Variants in SIRPG observed in about 807,000 individuals in gnomAD.
SIRPG encodes the protein signal regulatory protein gamma, also known as signal-regulatory protein gamma.
Under a neutral mutation model 35.7 loss-of-function variants are expected in SIRPG, and 38 were observed. That is an observed-to-expected ratio of 1.06 (90% CI 0.82 to 1.40). SIRPG has a LOEUF of 1.40. Among genes scored for constraint, SIRPG ranks in the 40% most tolerant of loss-of-function variants. The pLI is 0.00. For synonymous variants in SIRPG, 215 were observed against 190.4 expected, an observed-to-expected ratio of 1.13 and a Z score of -1.06; for missense variants, 519 against 483.0, an observed-to-expected ratio of 1.07 and a Z score of -0.70.
At chr20:1,657,616 G>T in intron 1 of SIRPG, 26 bp downstream of exon 1, 1 of 1,611,884 alleles carries the variant, frequency 6.2e-7, no homozygotes, top group Non-Finnish European at 8.5e-7. Flanking sequence ...CAGGGAGAAA[G>T]GGTTCTAGCC....
chr20:1,636,635 T>G (rs1267548411), intron 2 of SIRPG, 130 bp from the exon 3 acceptor site: 8 of 1,079,874 alleles, frequency 7.4e-6, no homozygotes, highest in Non-Finnish European at 1.1e-5. Context: ...GAGGATGGTG[T>G]TCTTATTCTC....
At chr20:1,677,861 G>A in the SIRPG span, among the ~76,000 whole-genome samples, 10 of 152,224 alleles carry the variant, frequency 6.6e-5, no homozygotes, top group South Asian at 6.2e-4. Flanking sequence ...GCCATATATC[G>A]ACAACTAGAG....
chr20:1,653,342 G>T (rs2091954102), intron 1 of SIRPG, among the ~76,000 whole-genome samples: 1 of 152,182 alleles, frequency 6.6e-6, no homozygotes, highest in Non-Finnish European at 1.5e-5. Flanking sequence ...TGTATATAAT[G>T]ATCACATGAA....
the SIRPG span, among the ~76,000 whole-genome samples, chr20:1,683,150 C>G: frequency 3.4e-4 from 52 of 152,142 alleles, 1 homozygote; most frequent in Middle Eastern, 3.4e-3. Flanking sequence ...TAAAAAATAC[C>G]CAATCTTACT....
chr20:1,667,294 C>T, the SIRPG span, among the ~76,000 whole-genome samples: 1,122 of 152,280 alleles, frequency 7.4e-3, 45 homozygotes, highest in Admixed American at 0.068. Flanking sequence ...GAGCAAGAGG[C>T]CATACCATAT....
At chr20:1,636,138 T>C (rs2091798026) in intron 3 of SIRPG, 50 bp downstream of exon 3, 4 of 1,610,808 alleles carry the variant, frequency 2.5e-6, no homozygotes, top group Non-Finnish European at 1.7e-6. Context: ...GAGAGGGGAG[T>C]GGGCTTGACA....
At chr20:1,659,890 T>A (rs2091991713), upstream of SIRPG, among the ~76,000 whole-genome samples, 1 of 152,162 alleles carries the variant, frequency 6.6e-6, no homozygotes, top group South Asian at 2.1e-4. Flanking sequence ...GGGGAATTAT[T>A]CCTGGGAAGA....
chr20:1,644,842 C>A (rs1239988428), intron 2 of SIRPG, among the ~76,000 whole-genome samples: 1 of 152,238 alleles, frequency 6.6e-6, no homozygotes, highest in Non-Finnish European at 1.5e-5. Context: ...CTGCACCACA[C>A]TGCTCTTCCT....
chr20:1,655,540 G>A (rs145630535), intron 1 of SIRPG, among the ~76,000 whole-genome samples: 195 of 152,190 alleles, frequency 1.3e-3, no homozygotes, highest in African/African-American at 4.4e-3. Flanking sequence ...TAGTTGGGGA[G>A]ATATTAGTCA....
At chr20:1,644,520 C>T (rs1265106553) in intron 2 of SIRPG, among the ~76,000 whole-genome samples, 8 of 152,224 alleles carry the variant, frequency 5.3e-5, no homozygotes, top group Non-Finnish European at 1.0e-4. Flanking sequence ...TGCTGGCTGC[C>T]GCCTATCTCC....
upstream of SIRPG, among the ~76,000 whole-genome samples, chr20:1,659,924 A>G (rs1441802875): frequency 6.6e-6 from 1 of 152,224 alleles, no homozygotes; most frequent in African/African-American, 2.4e-5. Context: ...AAGAATCACC[A>G]AAGATTTGAG....
chr20:1,683,424 A>G, the SIRPG span, among the ~76,000 whole-genome samples: 1 of 152,236 alleles, frequency 6.6e-6, no homozygotes, highest in South Asian at 2.1e-4. Context: ...TAACATCAGC[A>G]TGTCACAGCG....
the SIRPG span, among the ~76,000 whole-genome samples, chr20:1,682,580 A>G: frequency 6.6e-6 from 1 of 152,252 alleles, no homozygotes; most frequent in East Asian, 1.9e-4. Flanking sequence ...CACTTAATTG[A>G]TCTTTGATAA....
chr20:1,635,672 T>C, intron 3 of SIRPG, 73 bp from the exon 4 acceptor site: 1 of 1,485,326 alleles, frequency 6.7e-7, no homozygotes, highest in South Asian at 1.2e-5. Context: ...ATAACTTAAC[T>C]CCCACTACCA....
At chr20:1,631,355 C>T (rs2091748620) in intron 4 of SIRPG, among the ~76,000 whole-genome samples, 1 of 152,036 alleles carries the variant, frequency 6.6e-6, no homozygotes, top group Non-Finnish European at 1.5e-5. Context: ...GGGGACAGCC[C>T]ACAAGAAAGA....
the SIRPG span, among the ~76,000 whole-genome samples, chr20:1,672,131 C>T: frequency 6.6e-6 from 1 of 152,202 alleles, no homozygotes; most frequent in Non-Finnish European, 1.5e-5. Flanking sequence ...TGGCCTGACA[C>T]ATCCAGCTCC....
the SIRPG span, among the ~76,000 whole-genome samples, chr20:1,680,808 TAA>T: frequency 1.3e-5 from 2 of 151,016 alleles, no homozygotes; most frequent in Admixed American, 1.3e-4. Context: ...TTCAAAATTA[TAA>T]GTCATATACT....
intron 1 of SIRPG, among the ~76,000 whole-genome samples, chr20:1,656,906 T>C (rs905488909): frequency 2.0e-5 from 3 of 152,146 alleles, no homozygotes; most frequent in Non-Finnish European, 4.4e-5. Context: ...AATCAGACCT[T>C]GGCGATGCCC....
the SIRPG span, among the ~76,000 whole-genome samples, chr20:1,663,507 A>G: frequency 1.3e-5 from 2 of 152,192 alleles, no homozygotes; most frequent in Non-Finnish European, 2.9e-5. Context: ...CAACTGTCAA[A>G]CTTTAAGGAA....
Sources: allele counts gnomAD v4.1 joint callset (sites outside exome capture counted in the v4.1 genomes callset), GRCh38; gene constraint gnomAD v4.1.1; transcripts MANE v1.5; gene names NCBI Gene and HGNC (gene_info 2026-07-23, HGNC 2026-07-21).